Variants in CAPZA1 observed in about 807,000 individuals in gnomAD.
The protein encoded by CAPZA1 is F-actin-capping protein subunit alpha-1.
CAPZA1 carries 10 observed loss-of-function variants against 40.8 expected under a neutral mutation model. The ratio of observed to expected loss-of-function variants is 0.25; its 90% CI spans 0.15 to 0.42. The LOEUF is 0.42. Ranked by LOEUF, CAPZA1 falls within the 10% of genes least tolerant of loss-of-function variation. The pLI, the probability that CAPZA1 is intolerant of heterozygous loss-of-function variation, is 1.00. For missense variants in CAPZA1, 277 were observed against 353.8 expected (o/e 0.78, Z 1.74); for synonymous variants, 98 against 115.0 (o/e 0.85, Z 0.95).
intron 1 of CAPZA1, among the ~76,000 whole-genome samples, chr1:112,629,660 C>A (rs113862784): frequency 0.019 from 2,833 of 152,290 alleles, 30 homozygotes; most frequent in Middle Eastern, 0.051. Flanking sequence ...ATTAATGGAG[C>A]TTTGTCCTCA....
chr1:112,629,419 T>C (rs528143970), intron 1 of CAPZA1, among the ~76,000 whole-genome samples: 1 of 152,356 alleles, frequency 6.6e-6, no homozygotes, highest in South Asian at 2.1e-4. Context: ...TTTTACTTAA[T>C]CTTCTCTGTT....
intron 1 of CAPZA1, among the ~76,000 whole-genome samples, chr1:112,639,903 G>A (rs1448327706): frequency 2.4e-5 from 3 of 126,982 alleles, no homozygotes; most frequent in Non-Finnish European, 5.2e-5. Flanking sequence ...CGCCCCGTCC[G>A]GGAGGGAGGT....
chr1:112,646,715 A>G (rs571922327), intron 1 of CAPZA1: 2 of 150,964 alleles, frequency 1.3e-5, no homozygotes, highest in South Asian at 4.2e-4. Context: ...TTGGTTTTTT[A>G]TGATATTGGA....
intron 1 of CAPZA1, among the ~76,000 whole-genome samples, chr1:112,642,372 C>T (rs1671188235): frequency 6.6e-6 from 1 of 151,434 alleles, no homozygotes; most frequent in Non-Finnish European, 1.5e-5. Context: ...TGCCACCGTG[C>T]CTGGCTAATT....
chr1:112,626,590 A>C (rs1471335041), intron 1 of CAPZA1, among the ~76,000 whole-genome samples: 4 of 152,142 alleles, frequency 2.6e-5, no homozygotes, highest in African/African-American at 9.7e-5. Context: ...CACACTTTTC[A>C]CTTAATAATA....
At chr1:112,622,143 T>G (rs1670689925) in intron 1 of CAPZA1, among the ~76,000 whole-genome samples, 1 of 152,180 alleles carries the variant, frequency 6.6e-6, no homozygotes, top group South Asian at 2.1e-4. Flanking sequence ...ATTTTAATAT[T>G]GTTTTTTATC....
At chr1:112,631,641 C>T (rs998084307) in intron 1 of CAPZA1, among the ~76,000 whole-genome samples, 2 of 152,108 alleles carry the variant, frequency 1.3e-5, no homozygotes, top group African/African-American at 4.8e-5. Flanking sequence ...GGGTTCTCAC[C>T]GCCGAACTTT....
intron 1 of CAPZA1, among the ~76,000 whole-genome samples, chr1:112,632,088 T>A (rs917454102): frequency 1.3e-5 from 2 of 152,194 alleles, no homozygotes; most frequent in Admixed American, 6.5e-5. Flanking sequence ...GCGGATCACC[T>A]GAGATCAGGA....
At chr1:112,665,178 G>GTTTTTTTTTTT (rs55776312) in intron 7 of CAPZA1, among the ~76,000 whole-genome samples, 1 of 128,946 alleles carries the variant, frequency 7.8e-6, no homozygotes. Context: ...GTTTTTTTGT[G>GTTTTTTTTTTT]TTTTTTTTTT....
intron 3 of CAPZA1, among the ~76,000 whole-genome samples, chr1:112,651,078 T>C (rs987987172): frequency 6.6e-6 from 1 of 152,210 alleles, no homozygotes; most frequent in African/African-American, 2.4e-5. Flanking sequence ...AACTGCTCAA[T>C]TAATGTTTTC....
chr1:112,662,181 C>T (rs1206843197), intron 7 of CAPZA1, among the ~76,000 whole-genome samples: 2 of 152,086 alleles, frequency 1.3e-5, no homozygotes, highest in East Asian at 1.9e-4. Flanking sequence ...GCTTTCATAG[C>T]TCACTGCAAC....
intron 1 of CAPZA1, among the ~76,000 whole-genome samples, chr1:112,626,452 A>G (rs1670808689): frequency 6.6e-6 from 1 of 152,036 alleles, no homozygotes; most frequent in Non-Finnish European, 1.5e-5. Flanking sequence ...AAAAAAATTA[A>G]AATGGTGGGA....
intron 7 of CAPZA1, among the ~76,000 whole-genome samples, chr1:112,663,709 T>A (rs1338970757): frequency 6.6e-6 from 1 of 151,818 alleles, no homozygotes; most frequent in African/African-American, 2.4e-5. Context: ...TTCACCATGT[T>A]GGTCAGGCTG....
At chr1:112,638,780 C>G (rs1671070266) in intron 1 of CAPZA1, among the ~76,000 whole-genome samples, 2 of 151,102 alleles carry the variant, frequency 1.3e-5, no homozygotes, top group Admixed American at 6.6e-5. Flanking sequence ...ACTAAAAATA[C>G]AAACATTAGC....
chr1:112,622,340 T>C (rs1166866194), intron 1 of CAPZA1, among the ~76,000 whole-genome samples: 1 of 152,204 alleles, frequency 6.6e-6, no homozygotes, highest in Non-Finnish European at 1.5e-5. Context: ...ATGAGCTGTC[T>C]AAATAAAACA....
At chr1:112,669,906 C>T in intron 9 of CAPZA1, 86 bp from the exon 10 acceptor site, 3 of 1,430,526 alleles carry the variant, frequency 2.1e-6, no homozygotes, top group Non-Finnish European at 2.9e-6. Context: ...GGGACTCAAG[C>T]ATATCCATTG....
At chr1:112,634,022 C>G (rs1487555984) in intron 1 of CAPZA1, among the ~76,000 whole-genome samples, 1 of 152,078 alleles carries the variant, frequency 6.6e-6, no homozygotes, top group Non-Finnish European at 1.5e-5. Context: ...ATATTTCCTC[C>G]CAGTCACTTA....
chr1:112,667,699 A>C (rs1457983583), intron 8 of CAPZA1, among the ~76,000 whole-genome samples: 1 of 151,834 alleles, frequency 6.6e-6, no homozygotes, highest in African/African-American at 2.4e-5. Flanking sequence ...ATGCCCAGCT[A>C]ATTTTTTTAT....
At chr1:112,629,511 A>T (rs1248467468) in intron 1 of CAPZA1, among the ~76,000 whole-genome samples, 1 of 152,074 alleles carries the variant, frequency 6.6e-6, no homozygotes, top group East Asian at 1.9e-4. Context: ...GGGTCTTCTG[A>T]TATTTGTTGA....
Sources: gnomAD v4.1 joint callset for allele counts (sites outside exome capture counted in the v4.1 genomes callset) on GRCh38, gnomAD v4.1.1 for gene constraint, MANE v1.5 for transcripts, NCBI Gene and HGNC (gene_info 2026-07-23, HGNC 2026-07-21) for gene names.